TMEM117: variants seen among roughly 807,000 people sequenced by gnomAD.
TMEM117 encodes the protein transmembrane protein 117.
TMEM117 carries 27 observed loss-of-function variants against 52.4 expected under a neutral mutation model. The ratio of observed to expected loss-of-function variants is 0.51; its 90% CI spans 0.38 to 0.71. TMEM117 has a LOEUF of 0.71. Ranked by LOEUF, TMEM117 falls within the 30% of genes least tolerant of loss-of-function variation. TMEM117 has a pLI of 0.00. For synonymous variants in TMEM117, 215 were observed against 206.3 expected (o/e 1.04, Z -0.36); for missense variants, 556 against 630.5 (o/e 0.88, Z 1.26).
intron 6 of TMEM117, among the ~76,000 whole-genome samples, chr12:44,326,064 G>A (rs866238882): frequency 6.6e-6 from 1 of 152,148 alleles, no homozygotes; most frequent in South Asian, 2.1e-4. Context: ...TCCAGAGGCT[G>A]AGGTGGGAGA....
intron 3 of TMEM117, among the ~76,000 whole-genome samples, chr12:44,114,197 C>A (rs1030602138): frequency 6.6e-6 from 1 of 151,922 alleles, no homozygotes; most frequent in African/African-American, 2.4e-5. Flanking sequence ...AGCTGTAGAC[C>A]GGAGCTGTTC....
chr12:44,150,268 T>C (rs1157581196), intron 4 of TMEM117, among the ~76,000 whole-genome samples: 1 of 152,126 alleles, frequency 6.6e-6, no homozygotes, highest in Non-Finnish European at 1.5e-5. Context: ...GGGCACAAGA[T>C]TTAAAGAGGA....
intron 3 of TMEM117, among the ~76,000 whole-genome samples, chr12:43,981,553 T>C (rs1945760881): frequency 1.3e-5 from 2 of 152,168 alleles, no homozygotes; most frequent in Admixed American, 6.6e-5. Flanking sequence ...TTCGAGAAAC[T>C]GTGAGATAGA....
At chr12:43,806,491 C>T in the TMEM117 span, 11 of 738,672 alleles carry the variant, frequency 1.5e-5, no homozygotes, top group Non-Finnish European at 1.9e-5. Context: ...GGTCCTGCTT[C>T]TGCTCTTGCC....
intron 2 of TMEM117, among the ~76,000 whole-genome samples, chr12:43,906,982 G>A (rs1272982731): frequency 6.6e-6 from 1 of 152,240 alleles, no homozygotes; most frequent in Non-Finnish European, 1.5e-5. Context: ...CTTGAACTGG[G>A]TGGAGGCCAC....
chr12:44,348,229 G>A (rs1162609425), intron 6 of TMEM117, among the ~76,000 whole-genome samples: 2 of 149,972 alleles, frequency 1.3e-5, no homozygotes, highest in African/African-American at 2.5e-5. Context: ...AAGATATAAA[G>A]GAATAATATC....
chr12:44,050,385 C>T (rs2137923250), intron 3 of TMEM117, among the ~76,000 whole-genome samples: 1 of 152,276 alleles, frequency 6.6e-6, no homozygotes, highest in Non-Finnish European at 1.5e-5. Flanking sequence ...CCATGCTGGC[C>T]AGGCTGGTCT....
At chr12:44,365,216 A>G (rs1314148160) in intron 6 of TMEM117, among the ~76,000 whole-genome samples, 5 of 152,064 alleles carry the variant, frequency 3.3e-5, no homozygotes, top group Admixed American at 2.6e-4. Context: ...CAGGATAAAC[A>G]TAGGACCACT....
At chr12:44,376,248 C>T (rs1951939535) in intron 6 of TMEM117, among the ~76,000 whole-genome samples, 1 of 152,098 alleles carries the variant, frequency 6.6e-6, no homozygotes, top group Non-Finnish European at 1.5e-5. Context: ...CAAATTTACC[C>T]CATATTTATT....
intron 1 of TMEM117, among the ~76,000 whole-genome samples, chr12:43,837,592 G>T (rs562058586): frequency 8.5e-5 from 13 of 152,252 alleles, no homozygotes; most frequent in East Asian, 5.8e-4. Context: ...TGATCCGCCC[G>T]CCTTGGCCTC....
the TMEM117 span, among the ~76,000 whole-genome samples, chr12:43,828,434 T>A: frequency 6.6e-6 from 1 of 152,168 alleles, no homozygotes; most frequent in South Asian, 2.1e-4. Context: ...CCAGCCCCCC[T>A]ACCTTATTCC....
chr12:44,190,090 G>C (rs1565572057), intron 4 of TMEM117, among the ~76,000 whole-genome samples: 1 of 152,186 alleles, frequency 6.6e-6, no homozygotes. Context: ...GAGTATGGAA[G>C]TGTCCATCTA....
chr12:44,293,561 C>T (rs534252532), intron 5 of TMEM117, among the ~76,000 whole-genome samples: 167 of 151,404 alleles, frequency 1.1e-3, no homozygotes, highest in Non-Finnish European at 2.1e-3. Flanking sequence ...TTTTTAATTC[C>T]TTTTTGTCTT....
At chr12:44,276,908 ATG>A (rs754059220) in intron 5 of TMEM117, among the ~76,000 whole-genome samples, 2,096 of 143,194 alleles carry the variant, frequency 0.015, 30 homozygotes, top group South Asian at 0.061. Flanking sequence ...GTGTGTGTGT[ATG>A]TGTGTGTGTG....
intron 2 of TMEM117, among the ~76,000 whole-genome samples, chr12:43,943,176 CAAAA>C (rs10667663): frequency 3.7e-4 from 27 of 72,236 alleles, no homozygotes; most frequent in Admixed American, 8.8e-4. Context: ...GACTCTGTCT[CAAAA>C]AAAAAAAAAA....
chr12:43,870,943 C>G (rs1440374633), intron 2 of TMEM117, among the ~76,000 whole-genome samples: 1 of 151,672 alleles, frequency 6.6e-6, no homozygotes, highest in Non-Finnish European at 1.5e-5. Context: ...TGCCATCACG[C>G]CTGGCTAGTT....
intron 3 of TMEM117, among the ~76,000 whole-genome samples, chr12:43,987,835 T>C (rs753534951): frequency 2.6e-5 from 4 of 152,132 alleles, no homozygotes; most frequent in Non-Finnish European, 5.9e-5. Context: ...TATCTGCAAG[T>C]TATAAGTCTT....
chr12:44,080,748 A>G (rs1476316012), intron 3 of TMEM117, among the ~76,000 whole-genome samples: 2 of 152,176 alleles, frequency 1.3e-5, no homozygotes, highest in Non-Finnish European at 2.9e-5. Context: ...TAAAATGTAA[A>G]TTTCAGTTTC....
At chr12:43,966,973 A>G (rs147118449) in intron 3 of TMEM117, among the ~76,000 whole-genome samples, 112 of 152,256 alleles carry the variant, frequency 7.4e-4, no homozygotes, top group African/African-American at 2.6e-3. Context: ...AATGACTATA[A>G]CTGTGTAGTG....
Sources: gnomAD v4.1 joint callset for allele counts (sites outside exome capture counted in the v4.1 genomes callset) on GRCh38, gnomAD v4.1.1 for gene constraint, MANE v1.5 for transcripts, NCBI Gene and HGNC (gene_info 2026-07-23, HGNC 2026-07-21) for gene names.